The following SOCS6 variants were observed in gnomAD, a reference collection of about 807,000 sequenced individuals.
The protein encoded by SOCS6 is suppressor of cytokine signaling 6.
Under a neutral mutation model 27.7 loss-of-function variants are expected in SOCS6, and 5 were observed. The observed-to-expected ratio is 0.18, with a 90% CI of 0.09 to 0.38. The LOEUF is 0.38. Ranked by LOEUF, SOCS6 falls within the 10% of genes least tolerant of loss-of-function variation. The pLI is 1.00. For synonymous variants in SOCS6, 271 were observed against 260.0 expected (o/e 1.04, Z -0.41); for missense variants, 595 against 688.1 (o/e 0.86, Z 1.51).
At chr18:70,296,952 C>T (rs2062326527) in intron 1 of SOCS6, among the ~76,000 whole-genome samples, 1 of 134,830 alleles carries the variant, frequency 7.4e-6, no homozygotes, top group African/African-American at 2.6e-5. Context: ...GACATAGGAA[C>T]TCCTAAATCC....
chr18:70,291,570 C>G (rs1166850196), intron 1 of SOCS6, among the ~76,000 whole-genome samples: 1 of 152,080 alleles, frequency 6.6e-6, no homozygotes, highest in Admixed American at 6.6e-5. Context: ...TAGATGGTCC[C>G]CAATTTTGGA....
intron 1 of SOCS6, among the ~76,000 whole-genome samples, chr18:70,293,627 T>G (rs1453208041): frequency 6.6e-6 from 1 of 152,134 alleles, no homozygotes; most frequent in East Asian, 1.9e-4. Flanking sequence ...GCCAGAGACT[T>G]AGAAGCCCTC....
chr18:70,311,360 A>C (rs1347469257), intron 1 of SOCS6, among the ~76,000 whole-genome samples: 1 of 152,194 alleles, frequency 6.6e-6, no homozygotes, highest in African/African-American at 2.4e-5. Flanking sequence ...AACAATTCCA[A>C]CAGTTTGGGA....
chr18:70,323,898 G>A (rs1279528158), intron 1 of SOCS6, among the ~76,000 whole-genome samples: 1 of 152,172 alleles, frequency 6.6e-6, no homozygotes, highest in Non-Finnish European at 1.5e-5. Flanking sequence ...GGAGTGCACA[G>A]GTCTAGCTAG....
chr18:70,289,412 C>T (rs1245606675), intron 1 of SOCS6, among the ~76,000 whole-genome samples: 1 of 147,504 alleles, frequency 6.8e-6, no homozygotes, highest in Admixed American at 6.7e-5. Flanking sequence ...GAGGCCTGCG[C>T]GGCCGCGGAC....
chr18:70,295,122 A>G (rs997880535), intron 1 of SOCS6, among the ~76,000 whole-genome samples: 1 of 152,224 alleles, frequency 6.6e-6, no homozygotes, highest in Non-Finnish European at 1.5e-5. Flanking sequence ...AGAGGCATCC[A>G]TTTATATACA....
intron 1 of SOCS6, among the ~76,000 whole-genome samples, chr18:70,317,581 A>ACC (rs1359266337): frequency 6.7e-6 from 1 of 149,704 alleles, no homozygotes; most frequent in Non-Finnish European, 1.5e-5. Flanking sequence ...ACACACACAC[A>ACC]CCACATTTTC....
intron 1 of SOCS6, among the ~76,000 whole-genome samples, chr18:70,299,416 G>A (rs527398552): frequency 1.3e-5 from 2 of 152,348 alleles, no homozygotes; most frequent in African/African-American, 2.4e-5. Context: ...ACGGGGGGAC[G>A]TGGAGTTTCT....
chr18:70,325,160 G>A lies in SOCS6; in HGVS notation c.492G>A (p.Pro164=), dbSNP rs1468494061. The change falls in exon 2 of 2, where the codon CCG becomes CCA. Residue 164 remains proline (P), a synonymous_variant. Coordinates refer to ENST00000397942, the MANE Select transcript of SOCS6 (RefSeq NM_004232.4). This position sits in a 1 kb window ranked among gnomAD's most constrained non-coding sequence, Gnocchi z 6.3. ...AGGCCTTGGTTCACTCTTCCAGCCC[G>A]AGTCCAGCCCTGAATGGCGTCCGGA... ...RVKALVHSSS[P]SPALNGVRKD... 6 of 1,613,992 alleles carry A rather than the reference G, an allele frequency of 3.7e-6. No homozygotes were observed. Among genetic ancestry groups the A allele is most frequent in the Middle Eastern group, 1.6e-4 (1 of 6,084 alleles).
intron 1 of SOCS6, among the ~76,000 whole-genome samples, chr18:70,294,351 TTTG>T (rs1421744923): frequency 1.1e-4 from 17 of 152,206 alleles, no homozygotes; most frequent in African/African-American, 3.6e-4. Context: ...GTCAGTTTTT[TTTG>T]TTGTTGTTCT....
intron 1 of SOCS6, among the ~76,000 whole-genome samples, chr18:70,317,597 C>G (rs1398602090): frequency 6.7e-6 from 1 of 150,160 alleles, no homozygotes; most frequent in African/African-American, 2.4e-5. Context: ...TTTTCTTTAT[C>G]CACTCATTGG....
Position 70,324,998 on chromosome 18 carries a change from C to A in SOCS6, c.330C>A (p.Pro110=). 1 of 1,614,156 alleles carries A rather than the reference C, an allele frequency of 6.2e-7. No homozygotes were observed. The highest frequency in any genetic ancestry group is 1.1e-5 in the South Asian group (1 of 91,080). The change falls in exon 2 of 2, where the codon CCC becomes CCA. Residue 110 remains proline (P), a synonymous_variant. Transcript: ENST00000397942. ...ACACCTTCTCCTCCTCCTCAGCACCCATAGTCTTTAAAGACGTGAGAGCTC... is the reference window on the plus strand; with the variant it reads ...ACACCTTCTCCTCCTCCTCAGCACCAATAGTCTTTAAAGACGTGAGAGCTC... The part of the protein sequence containing the change: ...DEDTFSSSSA[P]IVFKDVRAQR...
intron 1 of SOCS6, among the ~76,000 whole-genome samples, chr18:70,295,659 T>C (rs1161207547): frequency 1.3e-5 from 2 of 152,096 alleles, no homozygotes; most frequent in Non-Finnish European, 2.9e-5. Flanking sequence ...TGGCAGAAAA[T>C]GTAAGCAAAT....
chr18:70,294,603 T>C, intron 1 of SOCS6, among the ~76,000 whole-genome samples: 1 of 152,230 alleles, frequency 6.6e-6, no homozygotes, highest in Admixed American at 6.5e-5. Context: ...GGAAGCCTAA[T>C]GTGGGAAAAG....
intron 1 of SOCS6, among the ~76,000 whole-genome samples, chr18:70,297,058 T>C (rs1326681247): frequency 6.6e-6 from 1 of 152,082 alleles, no homozygotes; most frequent in Non-Finnish European, 1.5e-5. Flanking sequence ...CAATTTTTCT[T>C]TTATTGAATG....
chr18:70,296,928 G>A (rs1419627823), intron 1 of SOCS6, among the ~76,000 whole-genome samples: 5 of 102,368 alleles, frequency 4.9e-5, no homozygotes, highest in Non-Finnish European at 8.3e-5. Context: ...TCTGTCTTAA[G>A]CTCTTCTTCA....
rs1427122487 is a variant in SOCS6, at chr18:70,295,700, G to C, written c.-127+6610G>C. ...TGCAGAGAATTTCAGTAGGATTTTA[G>C]TGATTTTATATATTTGCAGCAGAAT... On this transcript the variant is annotated intron_variant, in intron 1 of 1. Coordinates refer to ENST00000397942, the MANE Select transcript of SOCS6 (RefSeq NM_004232.4). Among the ~76,000 whole-genome samples, 3 of 152,178 alleles carry C rather than the reference G, an allele frequency of 2.0e-5. No individual in the cohort carries two copies. In the East Asian group the frequency reaches 5.8e-4, roughly 29 times the overall value.
chr18:70,316,758 A>G (rs907685569), intron 1 of SOCS6, among the ~76,000 whole-genome samples: 1 of 152,140 alleles, frequency 6.6e-6, no homozygotes, highest in South Asian at 2.1e-4. Flanking sequence ...GAAAAACTTC[A>G]CTAAACTAGG....
intron 1 of SOCS6, among the ~76,000 whole-genome samples, chr18:70,315,127 A>G (rs1032300966): frequency 5.9e-5 from 9 of 152,040 alleles, no homozygotes; most frequent in African/African-American, 1.7e-4. Flanking sequence ...TTGTACTTCA[A>G]TGTTCATAAG....
Sources: allele counts gnomAD v4.1 joint callset (sites outside exome capture counted in the v4.1 genomes callset), GRCh38; gene constraint gnomAD v4.1.1; non-coding constraint Gnocchi (gnomAD v3.1); transcripts MANE v1.5; gene names NCBI Gene and HGNC (gene_info 2026-07-23, HGNC 2026-07-21).